PDE1A: variants seen among roughly 807,000 people sequenced by gnomAD.
The protein encoded by PDE1A is phosphodiesterase 1A.
PDE1A carries 35 observed loss-of-function variants against 61.7 expected under a neutral mutation model. The ratio of observed to expected loss-of-function variants is 0.57; its 90% CI spans 0.43 to 0.75. The LOEUF (loss-of-function observed/expected upper bound fraction) is 0.75. Among genes scored for constraint, PDE1A ranks in the 30% least tolerant of loss-of-function variants. The pLI, the probability that PDE1A is intolerant of heterozygous loss-of-function variation, is 0.00. For synonymous variants in PDE1A, 232 were observed against 213.2 expected, an observed-to-expected ratio of 1.09 and a Z score of -0.77; for missense variants, 597 against 630.6, an observed-to-expected ratio of 0.95 and a Z score of 0.57.
At chr2:182,577,467 T>C in the PDE1A span, among the ~76,000 whole-genome samples, 4 of 152,238 alleles carry the variant, frequency 2.6e-5, no homozygotes, top group African/African-American at 9.6e-5. Flanking sequence ...TTAGATATTG[T>C]ATTCTTTGAC....
chr2:182,286,316 C>T (rs899634029), intron 1 of PDE1A, among the ~76,000 whole-genome samples: 3 of 152,102 alleles, frequency 2.0e-5, no homozygotes, highest in African/African-American at 4.8e-5. Flanking sequence ...TTCTCCTTAC[C>T]ACTTTTCTCT....
At chr2:182,522,533 G>T (rs1690633522) in intron 1 of PDE1A, 3 of 1,444,262 alleles carry the variant, frequency 2.1e-6, no homozygotes, top group African/African-American at 1.4e-5. Context: ...TGACAGATTT[G>T]CTATTGACTT....
At chr2:182,569,422 C>T in the PDE1A span, among the ~76,000 whole-genome samples, 2 of 152,062 alleles carry the variant, frequency 1.3e-5, no homozygotes. Context: ...TATGGTCAAC[C>T]TGCTCCCAGC....
chr2:182,356,687 T>G (rs183337300), intron 1 of PDE1A, among the ~76,000 whole-genome samples: 2 of 152,110 alleles, frequency 1.3e-5, no homozygotes, highest in South Asian at 4.2e-4. Context: ...TGAGCCAAGA[T>G]GGCGCCACTG....
intron 1 of PDE1A, among the ~76,000 whole-genome samples, chr2:182,375,340 C>A (rs1468527703): frequency 1.3e-5 from 2 of 152,178 alleles, no homozygotes; most frequent in African/African-American, 4.8e-5. Context: ...CTAGTTACTT[C>A]CTAGATACAA....
At chr2:182,626,951 T>C in the PDE1A span, among the ~76,000 whole-genome samples, 1 of 23,292 alleles carries the variant, frequency 4.3e-5, no homozygotes, top group Non-Finnish European at 1.0e-4. Context: ...TGTTTCCTAA[T>C]ATGCAATTGC....
chr2:182,527,317 A>G (rs1690787385), upstream of PDE1A, among the ~76,000 whole-genome samples: 1 of 52,358 alleles, frequency 1.9e-5, no homozygotes, highest in Non-Finnish European at 3.4e-5. Flanking sequence ...AAAAAAAAAA[A>G]AAAAAAAAAA....
intron 7 of PDE1A, among the ~76,000 whole-genome samples, chr2:182,220,440 C>A (rs1308216056): frequency 6.6e-6 from 1 of 151,998 alleles, no homozygotes; most frequent in Non-Finnish European, 1.5e-5. Flanking sequence ...CAGAAACAAG[C>A]TAAAATGTGT....
chr2:182,335,464 C>T (rs889474993), intron 1 of PDE1A, among the ~76,000 whole-genome samples: 2 of 152,146 alleles, frequency 1.3e-5, no homozygotes, highest in Non-Finnish European at 2.9e-5. Context: ...ATAACGCCAA[C>T]ACATCTACTA....
chr2:182,539,595 A>G, the PDE1A span, among the ~76,000 whole-genome samples: 1 of 152,218 alleles, frequency 6.6e-6, no homozygotes, highest in Non-Finnish European at 1.5e-5. Context: ...AGAAAAAGCT[A>G]TAATTTTATT....
chr2:182,155,344 C>T (rs1055482383), intron 13 of PDE1A, among the ~76,000 whole-genome samples: 9 of 152,110 alleles, frequency 5.9e-5, no homozygotes, highest in Admixed American at 1.3e-4. Flanking sequence ...TCATCTCGGC[C>T]TCCAGTAGTG....
At chr2:182,403,598 C>CAAAAAAAAAAAAAAAAAAAAAAAAAA (rs548993514) in intron 1 of PDE1A, among the ~76,000 whole-genome samples, 1 of 77,628 alleles carries the variant, frequency 1.3e-5, no homozygotes, top group African/African-American at 6.2e-5. Flanking sequence ...GACTCCGTCT[C>CAAAAAAAAAAAAAAAAAAAAAAAAAA]AAAAAAAAAA....
the PDE1A span, among the ~76,000 whole-genome samples, chr2:182,613,605 T>C: frequency 6.6e-6 from 1 of 152,152 alleles, no homozygotes; most frequent in African/African-American, 2.4e-5. Flanking sequence ...TCATATACTT[T>C]GTTTTTATAC....
Position 182,264,482 on chromosome 2 carries a change from C to A in PDE1A, c.54-68G>T. 5 of 1,095,182 alleles carry A rather than the reference C, an allele frequency of 4.6e-6. No homozygotes were observed. The Admixed American group carries it at 5.5e-5, about 12-fold the overall frequency. The allele number at this position is 1,095,182 out of a possible 1,614,324, so 67.8% of individuals were successfully genotyped here. A position where few individuals can be genotyped will look rare whatever the true frequency, so the allele number is the denominator to read the frequency against. ...TATTGTAACTATATGGAAAATAGTA[C>A]AGTATTAAATACACTCAGTTAAGAT... On this transcript the variant is annotated intron_variant, in intron 1 of 13. Transcript: ENST00000351439.
intron 4 of PDE1A, among the ~76,000 whole-genome samples, chr2:182,233,222 C>T (rs895742401): frequency 3.9e-5 from 6 of 152,088 alleles, no homozygotes; most frequent in Non-Finnish European, 5.9e-5. Flanking sequence ...TGATTAATAT[C>T]CTTTAATGCA....
chr2:182,255,411 G>A (rs1283524759), intron 2 of PDE1A, among the ~76,000 whole-genome samples: 2 of 152,132 alleles, frequency 1.3e-5, no homozygotes, highest in African/African-American at 4.8e-5. Flanking sequence ...TGATGTGCAG[G>A]TTGTAGTGAT....
At chr2:182,590,865 A>T in the PDE1A span, among the ~76,000 whole-genome samples, 2 of 152,192 alleles carry the variant, frequency 1.3e-5, no homozygotes, top group Non-Finnish European at 2.9e-5. Flanking sequence ...CTTGCCTACT[A>T]GCGAAACAAC....
chr2:182,246,394 C>CT (rs772600912), intron 2 of PDE1A, among the ~76,000 whole-genome samples: 5 of 105,366 alleles, frequency 4.7e-5, no homozygotes, highest in South Asian at 3.5e-4. Context: ...AGTCTTTTTT[C>CT]TTTTTTCTTT....
At chr2:182,642,020 G>A in the PDE1A span, among the ~76,000 whole-genome samples, 1 of 152,108 alleles carries the variant, frequency 6.6e-6, no homozygotes, top group South Asian at 2.1e-4. Flanking sequence ...TAATCATAAA[G>A]ACAAAGACCT....
Sources: gnomAD v4.1 joint callset for allele counts (sites outside exome capture counted in the v4.1 genomes callset) on GRCh38, gnomAD v4.1.1 for gene constraint, MANE v1.5 for transcripts, NCBI Gene and HGNC (gene_info 2026-07-23, HGNC 2026-07-21) for gene names.